Variants in STYK1 observed in about 807,000 individuals in gnomAD.
STYK1 encodes STY kinase 1.
Under a neutral mutation model 48.1 loss-of-function variants are expected in STYK1, and 46 were observed. The observed-to-expected ratio is 0.96, with a 90% CI of 0.75 to 1.22. The LOEUF (loss-of-function observed/expected upper bound fraction) is 1.22, where lower values mean the gene tolerates loss of function less well. Among genes scored for constraint, STYK1 ranks in the 50% most tolerant of loss-of-function variants. The probability of loss-of-function intolerance (pLI) is 0.00; values close to 1 mark genes in which losing one functional copy is unlikely to be tolerated. For missense variants in STYK1, 527 were observed against 521.1 expected (o/e 1.01, Z -0.11); for synonymous variants, 188 against 189.0 (o/e 0.99, Z 0.04).
chr12:10,652,296 C>A (rs1408083660), intron 1 of STYK1, among the ~76,000 whole-genome samples: 1 of 152,164 alleles, frequency 6.6e-6, no homozygotes, highest in Non-Finnish European at 1.5e-5. Context: ...TCCCTTCATT[C>A]ATTTCTCCCT....
chr12:10,628,378 A>G (rs1341873726), intron 6 of STYK1, among the ~76,000 whole-genome samples: 1 of 152,198 alleles, frequency 6.6e-6, no homozygotes, highest in Non-Finnish European at 1.5e-5. Context: ...AGAAGAGAAG[A>G]GAGAAGTTTG....
intron 1 of STYK1, among the ~76,000 whole-genome samples, chr12:10,638,615 T>C (rs1407112012): frequency 1.3e-5 from 2 of 152,238 alleles, no homozygotes; most frequent in Non-Finnish European, 2.9e-5. Flanking sequence ...TATATTCTAT[T>C]TGCAACCATA....
Position 10,619,827 on chromosome 12 carries a change from G to T in STYK1, c.*317C>A. 1 of 419,466 alleles carries T rather than the reference G, an allele frequency of 2.4e-6. No individual in the cohort carries two copies. Among genetic ancestry groups the T allele is most frequent in the East Asian group, 3.4e-5 (1 of 29,354 alleles). The allele number at this position is 419,466 out of a possible 1,614,324, so 26.0% of individuals were successfully genotyped here. ...TTCCAGAGGAAACTAGCCTCGGACG[G>T]GAGGGATGAGCTTATTTGTGCCATG... On this transcript the variant is annotated 3_prime_UTR_variant, in exon 11 of 11. Coordinates refer to ENST00000075503, the MANE Select transcript of STYK1 (RefSeq NM_018423.3).
chr12:10,640,657 C>T (rs1210002995), intron 1 of STYK1: 2 of 152,166 alleles, frequency 1.3e-5, no homozygotes, highest in Non-Finnish European at 2.9e-5. Context: ...TCTTTTGACT[C>T]ACTGGTACTC....
chr12:10,630,304 T>G (rs1947410761), intron 5 of STYK1, among the ~76,000 whole-genome samples: 1 of 138,808 alleles, frequency 7.2e-6, no homozygotes, highest in South Asian at 2.3e-4. Flanking sequence ...GAGAATCACT[T>G]AAACCTGGGA....
chr12:10,673,430 A>C (rs1387937070), intron 1 of STYK1: 2 of 152,226 alleles, frequency 1.3e-5, no homozygotes, highest in Non-Finnish European at 2.9e-5. Context: ...TCAGTCAACA[A>C]GGGATAGCAC....
intron 4 of STYK1, 96 bp from the exon 5 acceptor site, chr12:10,631,404 G>T: frequency 6.7e-7 from 1 of 1,501,014 alleles, no homozygotes; most frequent in East Asian, 2.3e-5. Flanking sequence ...TCCTTCAGCA[G>T]TTTTCTCTTT....
At chr12:10,625,863 C>T (rs970069016) in intron 7 of STYK1, among the ~76,000 whole-genome samples, 6 of 152,084 alleles carry the variant, frequency 3.9e-5, no homozygotes, top group African/African-American at 1.4e-4. Flanking sequence ...ACCTGGTAAC[C>T]GACATTTTTA....
chr12:10,643,176 C>T (rs762434990), intron 1 of STYK1, among the ~76,000 whole-genome samples: 2 of 152,136 alleles, frequency 1.3e-5, no homozygotes, highest in South Asian at 2.1e-4. Flanking sequence ...CCACACAAGT[C>T]GATGGGGCCG....
rs1202041060 is a variant in STYK1, at chr12:10,652,180, TC to T, written c.-194-14985del. Among the ~76,000 whole-genome samples the T allele has an allele frequency of 9.8e-5, 15 of 152,290 alleles. No individual in the cohort carries two copies. The South Asian group carries it at 3.1e-3, about 32-fold the overall frequency. ...CTTGTTATCTCCTTTTCTTAATTAA[TC>T]CGGAGAAAATTCACCAGACTCTAAT... On this transcript the variant is annotated intron_variant, in intron 1 of 10. Transcript: ENST00000075503.
chr12:10,663,739 C>T (rs953906343), intron 1 of STYK1, among the ~76,000 whole-genome samples: 2 of 97,700 alleles, frequency 2.0e-5, no homozygotes, highest in Non-Finnish European at 4.3e-5. Flanking sequence ...TTGACCATTT[C>T]GGAAAAAAAA....
intron 10 of STYK1, among the ~76,000 whole-genome samples, chr12:10,621,205 C>G (rs1016181922): frequency 1.6e-4 from 24 of 152,224 alleles, no homozygotes; most frequent in Non-Finnish European, 2.2e-4. Flanking sequence ...CATTCTACAG[C>G]AGTTCCTTTT....
At chr12:10,628,246 C>T (rs1591677311) in intron 6 of STYK1, among the ~76,000 whole-genome samples, 2 of 152,054 alleles carry the variant, frequency 1.3e-5, no homozygotes, top group Non-Finnish European at 2.9e-5. Context: ...TCTGTAAGTG[C>T]CATAAAGGAA....
At chr12:10,648,866 A>T (rs1452356072) in intron 1 of STYK1, among the ~76,000 whole-genome samples, 2 of 152,174 alleles carry the variant, frequency 1.3e-5, no homozygotes, top group Non-Finnish European at 2.9e-5. Context: ...CACACCCAGC[A>T]GAAAAGAAGA....
Position 10,620,241 on chromosome 12 carries a change from G to A in STYK1, c.1172C>T (p.Ala391Val), listed in dbSNP as rs886903856. The A allele has an allele frequency of 2.5e-6, 4 of 1,613,792 alleles. No individual in the cohort carries two copies. Among genetic ancestry groups the A allele is most frequent in the Non-Finnish European group, 3.4e-6 (4 of 1,179,820 alleles). ...EAAIKTADDE[A>V]VLQVPELVVP... ...CACCAACTCTGGTACTTGTAACACA[G>A]CCTCGTCATCTGCAGTTTTAATGGC... is the stretch of plus-strand genomic sequence containing the variant. The change falls in exon 11 of 11, where the codon GCT (alanine) becomes GTT (valine). Residue 391 changes from alanine to valine, a missense_variant. Physicochemically the swap from Ala to Val is moderately conservative, Grantham distance 64 (BLOSUM62 0). Coordinates refer to ENST00000075503, the MANE Select transcript of STYK1 (RefSeq NM_018423.3).
intron 1 of STYK1, among the ~76,000 whole-genome samples, chr12:10,646,464 A>C (rs1947600231): frequency 6.6e-6 from 1 of 152,198 alleles, no homozygotes; most frequent in South Asian, 2.1e-4. Flanking sequence ...TGACAAAGAA[A>C]TTTCTCAGAA....
At chr12:10,660,409 A>G (rs1187512240) in intron 1 of STYK1, among the ~76,000 whole-genome samples, 1 of 152,184 alleles carries the variant, frequency 6.6e-6, no homozygotes, top group African/African-American at 2.4e-5. Flanking sequence ...GTTACAGAAG[A>G]TGGATCGTCA....
intron 1 of STYK1, among the ~76,000 whole-genome samples, chr12:10,667,713 G>A (rs1439320723): frequency 6.6e-6 from 1 of 152,138 alleles, no homozygotes; most frequent in African/African-American, 2.4e-5. Context: ...AGAAATATGA[G>A]AAAACTGATT....
chr12:10,645,163 T>A (rs113429146), intron 1 of STYK1, among the ~76,000 whole-genome samples: 2 of 152,118 alleles, frequency 1.3e-5, no homozygotes, highest in African/African-American at 4.8e-5. Flanking sequence ...TAAAATCTGA[T>A]GACAGGTCAG....
Sources: gnomAD v4.1 joint callset for allele counts (sites outside exome capture counted in the v4.1 genomes callset) on GRCh38, gnomAD v4.1.1 for gene constraint, MANE v1.5 for transcripts, NCBI Gene and HGNC (gene_info 2026-07-23, HGNC 2026-07-21) for gene names.